Variants in XDH observed in about 807,000 individuals in gnomAD.
The protein encoded by XDH is xanthine dehydrogenase.
XDH carries 138 observed loss-of-function variants against 156.1 expected under a neutral mutation model. The observed-to-expected ratio is 0.88, with a 90% CI of 0.77 to 1.02. The LOEUF (loss-of-function observed/expected upper bound fraction) is 1.02, where lower values mean the gene tolerates loss of function less well. Among genes scored for constraint, XDH ranks in the 50% least tolerant of loss-of-function variants. The probability of loss-of-function intolerance (pLI) is 0.00; values close to 1 mark genes in which losing one functional copy is unlikely to be tolerated. For synonymous variants in XDH, 669 were observed against 625.7 expected (o/e 1.07, Z -1.03); for missense variants, 1,849 against 1,684.9 (o/e 1.10, Z -1.71).
At chr2:31,406,597 A>T (rs1018883438) in intron 1 of XDH, among the ~76,000 whole-genome samples, 2 of 152,302 alleles carry the variant, frequency 1.3e-5, no homozygotes, top group Non-Finnish European at 2.9e-5. Flanking sequence ...TTGTACCTCA[A>T]TGCTCACCTT....
chr2:31,361,563 A>T (rs1452353084), intron 24 of XDH, among the ~76,000 whole-genome samples: 1 of 152,152 alleles, frequency 6.6e-6, no homozygotes, highest in Non-Finnish European at 1.5e-5. Flanking sequence ...AAAACAGAAA[A>T]ATCTAAAACC....
chr2:31,343,308 A>ATATATGCATGTT (rs35796160), intron 31 of XDH, among the ~76,000 whole-genome samples: 10,623 of 98,420 alleles, frequency 0.11, 898 homozygotes, highest in Non-Finnish European at 0.15. Flanking sequence ...ATATATATAT[A>ATATATGCATGTT]TATATATATA....
intron 11 of XDH, among the ~76,000 whole-genome samples, chr2:31,382,309 G>T (rs897124408): frequency 6.6e-6 from 1 of 151,804 alleles, no homozygotes; most frequent in Admixed American, 6.6e-5. Context: ...TACAGTTTAT[G>T]TTTCCTTATC....
intron 31 of XDH, among the ~76,000 whole-genome samples, chr2:31,343,381 A>G (rs1021292695): frequency 4.9e-5 from 7 of 143,470 alleles, no homozygotes; most frequent in Admixed American, 2.8e-4. Context: ...TAATATCTAT[A>G]CATATATATG....
At chr2:31,361,952 T>C (rs1185803810) in intron 24 of XDH, among the ~76,000 whole-genome samples, 1 of 152,160 alleles carries the variant, frequency 6.6e-6, no homozygotes, top group African/African-American at 2.4e-5. Flanking sequence ...TGCTTGCAAA[T>C]ATTCATGAAA....
rs189580256 is a variant in XDH at position 31,356,535 on chromosome 2, T to C, written c.2632-6312A>G. Reference sequence around the variant, plus strand: ...GGTGATGGGAAGACAAAGACAGAGATTGGACTGATGCAACCACAAGTCAAG... The same window carrying C: ...GGTGATGGGAAGACAAAGACAGAGACTGGACTGATGCAACCACAAGTCAAG... On this transcript the variant is annotated intron_variant, in intron 24 of 35. Transcript: ENST00000379416. Among the ~76,000 whole-genome samples the C allele has an allele frequency of 2.1e-3, 314 of 152,044 alleles. 2 individuals are homozygous for C. The highest frequency in any genetic ancestry group is 0.015 in the South Asian group (72 of 4,800).
rs181111808 is a variant in XDH at position 31,368,572 on chromosome 2, T to C, written c.2069A>G (p.Tyr690Cys). ...QRAAQGVKIT[Y>C]EELPAIITIE... The stretch of plus-strand genomic sequence containing the variant: ...TGTGATAATGGCTGGTAGTTCTTCA[T>C]AGGTGATTTTCACCCCTTGGGCAGC... The change falls in exon 19 of 36, where the codon TAT becomes TGT. Residue 690 changes from tyrosine (Y) to cysteine (C), a missense_variant. Coordinates refer to ENST00000379416, the MANE Select transcript of XDH (RefSeq NM_000379.4). The C allele has an allele frequency of 8.1e-6, 13 of 1,614,200 alleles. No individual in the cohort carries two copies. Among genetic ancestry groups the C allele is most frequent in the Admixed American group, 1.7e-5 (1 of 60,034 alleles).
intron 14 of XDH, among the ~76,000 whole-genome samples, chr2:31,376,675 T>C (rs1479621378): frequency 6.7e-6 from 1 of 149,846 alleles, no homozygotes; most frequent in Non-Finnish European, 1.5e-5. Flanking sequence ...GCAGTGATAG[T>C]AGTAGCAACA....
At chr2:31,346,627 A>G (rs921185072) in intron 30 of XDH, 142 bp downstream of exon 30, 2 of 1,039,686 alleles carry the variant, frequency 1.9e-6, no homozygotes. Context: ...TTCATCCTGT[A>G]AAATCACACA....
chr2:31,340,509 G>A (rs1019843405), intron 33 of XDH, among the ~76,000 whole-genome samples: 6 of 151,442 alleles, frequency 4.0e-5, no homozygotes, highest in South Asian at 2.1e-4. Context: ...TTGCTCTATC[G>A]CCCAGGCTGG....
intron 12 of XDH, 78 bp from the exon 13 acceptor site, chr2:31,380,054 C>G: frequency 7.2e-7 from 1 of 1,391,986 alleles, no homozygotes; most frequent in Non-Finnish European, 1.0e-6. Context: ...GGATAACCAT[C>G]AGTGGGATTC....
chr2:31,355,658 TA>T (rs1361496058), intron 24 of XDH, among the ~76,000 whole-genome samples: 1 of 151,330 alleles, frequency 6.6e-6, no homozygotes, highest in Admixed American at 6.6e-5. Flanking sequence ...AATGGAATAT[TA>T]AAAAAAATGT....
rs76441163 is a variant in XDH at position 31,365,649 on chromosome 2, C to T, written c.2457-105G>A. ...CGGGAAGCCATCTTTTCCACCTGCA[C>T]GCTGAGCAGACCTGTACAGGGCTGC... On this transcript the variant is annotated intron_variant, in intron 22 of 35. Transcript: ENST00000379416. The T allele has an allele frequency of 2.8e-4, 379 of 1,340,738 alleles. 2 individuals are homozygous for T. In the East Asian group the frequency reaches 5.2e-3, roughly 18 times the overall value. 83.1% of individuals were successfully genotyped at this position (1,340,738 alleles called of 1,614,324 possible).
At chr2:31,354,773 G>A (rs998899971) in intron 24 of XDH, among the ~76,000 whole-genome samples, 4 of 152,082 alleles carry the variant, frequency 2.6e-5, no homozygotes, top group African/African-American at 7.2e-5. Context: ...AAAAATTACA[G>A]TTTCAAGGAC....
intron 9 of XDH, 33 bp from the exon 10 acceptor site, chr2:31,383,880 C>G: frequency 1.3e-6 from 2 of 1,599,998 alleles, no homozygotes; most frequent in Non-Finnish European, 1.7e-6. Context: ...AGTTGTAGGC[C>G]CATTGTTGTA....
chr2:31,401,487 G>T (rs1462470110), intron 3 of XDH, among the ~76,000 whole-genome samples, 159 bp from the exon 4 acceptor site: 1 of 152,158 alleles, frequency 6.6e-6, no homozygotes, highest in Non-Finnish European at 1.5e-5. Context: ...CCTCTCCACT[G>T]AAGACTCTGG....
rs563870278 is a variant in XDH, at chr2:31,369,997, T to C, written c.1980+358A>G. ...CATGTAAGTGAATTACCAATTCACGTAGTGGTGGTATTGTGATTTCTAGTT... is the reference window on the plus strand; with the variant it reads ...CATGTAAGTGAATTACCAATTCACGCAGTGGTGGTATTGTGATTTCTAGTT... On this transcript the variant is annotated intron_variant, in intron 18 of 35. Transcript: ENST00000379416. Among the ~76,000 whole-genome samples the C allele has an allele frequency of 7.2e-5, 11 of 152,346 alleles. No homozygotes were observed. In the South Asian group the frequency reaches 2.3e-3, roughly 32 times the overall value.
intron 22 of XDH, 136 bp downstream of exon 22, chr2:31,365,839 TA>T: frequency 1.4e-6 from 2 of 1,466,078 alleles, no homozygotes; most frequent in Non-Finnish European, 1.9e-6. Context: ...CCAAGGGTTC[TA>T]AAAACAGAGG....
chr2:31,341,720 G>A (rs1050374675), intron 32 of XDH, among the ~76,000 whole-genome samples: 1 of 152,174 alleles, frequency 6.6e-6, no homozygotes. Context: ...AGTCTGGGTA[G>A]ATCATGTACA....
Sources: gnomAD v4.1 joint callset for allele counts (sites outside exome capture counted in the v4.1 genomes callset) on GRCh38, gnomAD v4.1.1 for gene constraint, MANE v1.5 for transcripts, NCBI Gene and HGNC (gene_info 2026-07-23, HGNC 2026-07-21) for gene names.